Variants in ZNF420 observed in about 807,000 individuals in gnomAD.
ZNF420 encodes the protein ATM and p53-associated KZNF protein.
ZNF420 carries 31 observed loss-of-function variants against 44.7 expected under a neutral mutation model. The observed-to-expected ratio is 0.69, with a 90% CI of 0.52 to 0.94. ZNF420 has a LOEUF of 0.94. ZNF420 is among the 40% of genes least tolerant of loss of function. The pLI is 0.00. For missense variants in ZNF420, 681 were observed against 827.9 expected, an observed-to-expected ratio of 0.82 and a Z score of 2.18; for synonymous variants, 245 against 267.4, an observed-to-expected ratio of 0.92 and a Z score of 0.82.
intron 2 of ZNF420, among the ~76,000 whole-genome samples, chr19:37,082,087 T>G (rs1968496648): frequency 1.3e-5 from 2 of 152,208 alleles, no homozygotes; most frequent in African/African-American, 4.8e-5. Flanking sequence ...TGTTTGGTAT[T>G]TCAAGTGCAT....
At chr19:37,086,303 T>C (rs1273980675) in intron 2 of ZNF420, among the ~76,000 whole-genome samples, 2 of 152,074 alleles carry the variant, frequency 1.3e-5, no homozygotes, top group African/African-American at 4.8e-5. Context: ...TGGTTGGGGT[T>C]GGGGGAGTGA....
chr19:37,100,713 C>CAA (rs34286073), intron 4 of ZNF420, among the ~76,000 whole-genome samples: 33 of 146,420 alleles, frequency 2.3e-4, no homozygotes, highest in Admixed American at 2.7e-4. Context: ...AACTCCATCT[C>CAA]AAAAAAAAAA....
At chr19:37,033,600 T>C (rs1967301781) in intron 1 of ZNF420, among the ~76,000 whole-genome samples, 1 of 152,220 alleles carries the variant, frequency 6.6e-6, no homozygotes, top group Admixed American at 6.5e-5. Context: ...TATCCATTCC[T>C]CTGTCAATGA....
Position 37,064,206 on chromosome 19 carries a change from C to A in ZNF420, c.-124-16139C>A, listed in dbSNP as rs1242695409. Among the ~76,000 whole-genome samples the A allele has an allele frequency of 2.0e-5, 3 of 152,258 alleles. No individual in the cohort carries two copies. The East Asian group carries it at 5.8e-4, about 29-fold the overall frequency. ...CAGGCTTCTCTACTGTAAAATTACT[C>A]TTTTTTTCCTTTGTAATTAGTAAAG... On this transcript the variant is annotated intron_variant, in intron 1 of 4. Transcript: ENST00000587029.
chr19:37,017,102 A>G (rs928982689), intron 1 of ZNF420, among the ~76,000 whole-genome samples: 2 of 152,246 alleles, frequency 1.3e-5, no homozygotes, highest in Non-Finnish European at 2.9e-5. Flanking sequence ...ATTGTATAAT[A>G]AACTAGTAAA....
In ZNF420 at chr19:37,070,240, A is replaced by G. The variant is rs367611216; in HGVS notation, c.-124-10105A>G. The stretch of plus-strand genomic sequence containing the variant: ...ATATGCACACATACATAACACAGAA[A>G]TTGTATCTCTCCTTTAACTTACTAC... On this transcript the variant is annotated intron_variant, in intron 1 of 4. Transcript: ENST00000587029. Among the ~76,000 whole-genome samples, 238 of 152,264 alleles carry G rather than the reference A, an allele frequency of 1.6e-3. 1 individual carries two copies. Among genetic ancestry groups the G allele is most frequent in the Non-Finnish European group, 2.4e-3 (166 of 67,994 alleles).
chr19:37,020,206 G>A, intron 1 of ZNF420, among the ~76,000 whole-genome samples: 1 of 121,354 alleles, frequency 8.2e-6, no homozygotes, highest in African/African-American at 3.3e-5. Flanking sequence ...GACAGAGTGA[G>A]ACTCCGTCTC....
Position 37,085,936 on chromosome 19 carries a change from TTTATTATTATTATTATTA to T in ZNF420, c.-80-3076_-80-3059del, listed in dbSNP as rs34624393. ...TTGCATCACAATGCCTGGCTGATGT[TTTATTATTATTATTATTA>T]TTATTATTATTATTATTATTATTAT... On this transcript the variant is annotated intron_variant, in intron 2 of 4. Transcript: ENST00000337995. 1.4e-3 allele frequency among the ~76,000 whole-genome samples: 195 copies of T among 137,754 alleles called. 1 individual carries two copies. Among genetic ancestry groups the T allele is most frequent in the African/African-American group, 4.8e-3 (178 of 36,930 alleles). 90.4% of individuals were successfully genotyped at this position (137,754 alleles called of 152,430 possible).
At chr19:37,059,239 G>A (rs1474682627) in intron 1 of ZNF420, among the ~76,000 whole-genome samples, 1 of 151,304 alleles carries the variant, frequency 6.6e-6, no homozygotes, top group African/African-American at 2.4e-5. Flanking sequence ...CCCTCTACTG[G>A]ACCCCGGATC....
At chr19:37,023,249 TTACA>T (rs774574312) in intron 1 of ZNF420, among the ~76,000 whole-genome samples, 22 of 152,240 alleles carry the variant, frequency 1.4e-4, no homozygotes, top group Non-Finnish European at 2.9e-4. Flanking sequence ...TGGAAGACTT[TTACA>T]TACAAAGTAT....
intron 1 of ZNF420, among the ~76,000 whole-genome samples, chr19:37,025,668 A>G (rs1390762890): frequency 1.3e-5 from 2 of 151,868 alleles, no homozygotes; most frequent in Non-Finnish European, 3.0e-5. Context: ...GACATCTCAC[A>G]ATGCAGAGCT....
intron 1 of ZNF420, among the ~76,000 whole-genome samples, chr19:37,026,360 G>T (rs565304493): frequency 6.8e-4 from 96 of 140,936 alleles, no homozygotes; most frequent in African/African-American, 2.5e-3. Context: ...CACTCTTGTT[G>T]CCCAGGCTGG....
chr19:37,024,444 A>T (rs8101407), intron 1 of ZNF420, among the ~76,000 whole-genome samples: 53,181 of 151,522 alleles, frequency 0.35, 9,630 homozygotes, highest in African/African-American at 0.41. Context: ...TCACAAAGGG[A>T]TTTTTTTGTT....
At chr19:37,015,610 G>A (rs1003628108) in intron 1 of ZNF420, among the ~76,000 whole-genome samples, 1 of 152,222 alleles carries the variant, frequency 6.6e-6, no homozygotes, top group African/African-American at 2.4e-5. Context: ...GTGAGACAGG[G>A]GTGAGGATAC....
intron 4 of ZNF420, among the ~76,000 whole-genome samples, chr19:37,121,121 CTACTT>C (rs1971007500): frequency 6.8e-6 from 1 of 147,916 alleles, no homozygotes; most frequent in African/African-American, 2.5e-5. Flanking sequence ...TTGGAAAAAA[CTACTT>C]TAAAGTTCAT....
chr19:37,127,066 A>G (rs1971384613), intron 4 of ZNF420, 62 bp from the exon 5 acceptor site: 37 of 1,340,868 alleles, frequency 2.8e-5, no homozygotes, highest in Non-Finnish European at 3.6e-5. Context: ...TTATTTTCCT[A>G]TTATTTGTCT....
chr19:37,096,359 G>A (rs945999907), intron 4 of ZNF420, among the ~76,000 whole-genome samples: 48 of 151,986 alleles, frequency 3.2e-4, no homozygotes, highest in African/African-American at 9.7e-4. Context: ...TTGTATCCAT[G>A]GGGACTCTTG....
rs572022714 is a variant in ZNF420 at position 37,021,360 on chromosome 19, TG to T, written c.-125+13281del. Among the ~76,000 whole-genome samples the T allele has an allele frequency of 1.3e-3, 201 of 152,294 alleles. 1 individual carries two copies. The highest frequency in any genetic ancestry group is 2.3e-3 in the Non-Finnish European group (158 of 68,028). ...TCTGCTCACCGCAACTTCTGCCTCCTGGGCTCAAGTGATTCTTCTGCCTCAG... is the reference window on the plus strand; with the variant it reads ...TCTGCTCACCGCAACTTCTGCCTCCTGGCTCAAGTGATTCTTCTGCCTCAG... On this transcript the variant is annotated intron_variant, in intron 1 of 4. Coordinates refer to the ZNF420 transcript ENST00000587029.
At chr19:37,077,757 G>A (rs555279660), upstream of ZNF420, among the ~76,000 whole-genome samples, 2 of 151,994 alleles carry the variant, frequency 1.3e-5, no homozygotes, top group South Asian at 2.1e-4. Flanking sequence ...CTCAATTACG[G>A]CCACACACAA....
Sources: allele counts gnomAD v4.1 joint callset (sites outside exome capture counted in the v4.1 genomes callset), GRCh38; gene constraint gnomAD v4.1.1; transcripts MANE v1.5; gene names NCBI Gene and HGNC (gene_info 2026-07-23, HGNC 2026-07-21).